The following PPP2R5D variants were observed in gnomAD, a reference collection of about 807,000 sequenced individuals.
PPP2R5D encodes serine/threonine-protein phosphatase 2A 56 kDa regulatory subunit delta isoform.
Under a neutral mutation model 79.1 loss-of-function variants are expected in PPP2R5D, and 12 were observed. That is an observed-to-expected ratio of 0.15 (90% confidence interval 0.10 to 0.25). PPP2R5D has a LOEUF of 0.25. PPP2R5D is among the 10% of genes least tolerant of loss of function. The pLI is 1.00. For synonymous variants in PPP2R5D, 277 were observed against 286.6 expected (o/e 0.97, Z 0.34); for missense variants, 419 against 760.2 (o/e 0.55, Z 5.28).
Position 43,006,470 on chromosome 6 carries a change from C to T in PPP2R5D, c.113C>T (p.Pro38Leu), listed in dbSNP as rs200268619. ...GGGENTEEAQ[P>L]QPQPQPQPQA... is the part of the protein sequence containing the mutation. ...GGTGACTTGTTTGACCAGGCCCAGC[C>T]GCAGCCCCAGCCCCAGCCCCAGCCC... The change falls in exon 3 of 16, where the codon CCG becomes CTG. Residue 38 changes from proline to leucine, a missense_variant. Physicochemically the swap from Pro to Leu is moderately conservative, Grantham distance 98 (BLOSUM62 -3). Transcript: ENST00000485511. The surrounding 1 kb of genome is among the most constrained non-coding windows in gnomAD (Gnocchi z 4.7). The T allele has an allele frequency of 1.2e-5, 20 of 1,613,082 alleles. No individual in the cohort carries two copies. Among genetic ancestry groups the T allele is most frequent in the Middle Eastern group, 3.4e-4 (2 of 5,918 alleles).
In PPP2R5D at chr6:43,008,918, C is replaced by T; in HGVS notation, c.1081-139C>T. The stretch of plus-strand genomic sequence containing the variant: ...CCTATATACACCTAGGAAACAGATC[C>T]AAGGCAAAGAAACGGGTAGCTGGCT... On this transcript the variant is annotated intron_variant, in intron 10 of 15. Transcript: ENST00000485511. This position sits in a 1 kb window ranked among gnomAD's most constrained non-coding sequence, Gnocchi z 4.2. 3 of 1,263,994 alleles carry T rather than the reference C, an allele frequency of 2.4e-6. No homozygotes were observed. The highest frequency in any genetic ancestry group is 3.3e-6 in the Non-Finnish European group (3 of 901,854). 78.3% of individuals were successfully genotyped at this position (1,263,994 alleles called of 1,614,324 possible).
intron 2 of PPP2R5D, among the ~76,000 whole-genome samples, chr6:42,992,897 A>G (rs1472600699): frequency 6.6e-6 from 1 of 152,158 alleles, no homozygotes; most frequent in African/African-American, 2.4e-5. Context: ...GCGGTGGCTC[A>G]CACCTGTAAT....
intron 2 of PPP2R5D, among the ~76,000 whole-genome samples, chr6:43,001,429 G>C (rs1410152550): frequency 6.6e-6 from 1 of 152,146 alleles, no homozygotes; most frequent in African/African-American, 2.4e-5. Context: ...ATGAGCCACT[G>C]TGCCCGGCCA....
At chr6:42,999,626 C>T (rs1561845017) in intron 2 of PPP2R5D, among the ~76,000 whole-genome samples, 1 of 152,118 alleles carries the variant, frequency 6.6e-6, no homozygotes, top group Non-Finnish European at 1.5e-5. Flanking sequence ...ATTGCAGTGG[C>T]ACGATTTCGG....
In PPP2R5D at chr6:43,006,776, GT is replaced by G; in HGVS notation, c.322+99del. The G allele has an allele frequency of 6.3e-7, 1 of 1,575,774 alleles. No homozygotes were observed. The highest frequency in any genetic ancestry group is 1.2e-5 in the South Asian group (1 of 86,114). On this transcript the variant is annotated intron_variant, in intron 3 of 15. Coordinates refer to ENST00000485511, the MANE Select transcript of PPP2R5D (RefSeq NM_006245.4). The surrounding 1 kb of genome is among the most constrained non-coding windows in gnomAD (Gnocchi z 4.7). Reference sequence around the variant, plus strand: ...TTTGGGGTATTTTGCGGGGAAGGGAGTTCCAGAGAATGCGGGAAGGGGGTGC... The same window carrying G: ...TTTGGGGTATTTTGCGGGGAAGGGAGTCCAGAGAATGCGGGAAGGGGGTGC...
At chr6:42,988,696 A>C (rs1771031704) in intron 1 of PPP2R5D, among the ~76,000 whole-genome samples, 1 of 152,160 alleles carries the variant, frequency 6.6e-6, no homozygotes, top group Non-Finnish European at 1.5e-5. Context: ...GGCCCCTCCC[A>C]AGCCTGATGC....
Position 43,007,375 on chromosome 6 carries a change from T to G in PPP2R5D, c.634-39T>G. On this transcript the variant is annotated intron_variant, in intron 5 of 15. Coordinates refer to ENST00000485511, the MANE Select transcript of PPP2R5D (RefSeq NM_006245.4). The surrounding 1 kb of genome is among the most constrained non-coding windows in gnomAD (Gnocchi z 4.5). ...GGGCACTTGGAGGCCTGCAAGTCCT[T>G]GGGAACATCCCCTCAGTGGCGTGCC... The G allele has an allele frequency of 6.2e-7, 1 of 1,604,298 alleles. No homozygotes were observed.
chr6:43,008,093 C>T lies in PPP2R5D; in HGVS notation c.857+28C>T. On this transcript the variant is annotated intron_variant, in intron 7 of 15. Coordinates refer to ENST00000485511, the MANE Select transcript of PPP2R5D (RefSeq NM_006245.4). The surrounding 1 kb of genome is among the most constrained non-coding windows in gnomAD (Gnocchi z 4.2). ...GAGGCCAGGAGCCCAGGCTTAGGAG[C>T]AAAACCTTCTGCTACTGAGGTGGGG... is the stretch of plus-strand genomic sequence containing the variant. 2 of 1,613,880 alleles carry T rather than the reference C, an allele frequency of 1.2e-6. No homozygotes were observed. Among genetic ancestry groups the T allele is most frequent in the South Asian group, 2.2e-5 (2 of 91,082 alleles).
intron 2 of PPP2R5D, among the ~76,000 whole-genome samples, chr6:42,991,542 T>A (rs1771265082): frequency 6.6e-6 from 1 of 152,186 alleles, no homozygotes; most frequent in African/African-American, 2.4e-5. Context: ...AAATAATTCC[T>A]TGTGAATTCA....
intron 2 of PPP2R5D, among the ~76,000 whole-genome samples, chr6:42,994,087 A>C (rs1462049358): frequency 6.6e-6 from 1 of 152,144 alleles, no homozygotes; most frequent in Non-Finnish European, 1.5e-5. Context: ...AGGGCAGACC[A>C]CCTGAGGTCA....
intron 1 of PPP2R5D, among the ~76,000 whole-genome samples, chr6:42,987,624 G>A (rs1029570535): frequency 6.6e-6 from 1 of 152,112 alleles, no homozygotes; most frequent in Non-Finnish European, 1.5e-5. Flanking sequence ...TTTAACCTCT[G>A]TGCTACACAG....
chr6:43,010,399 A>G lies in PPP2R5D; in HGVS notation c.1380-69A>G, dbSNP rs980000820. On this transcript the variant is annotated intron_variant, in intron 12 of 15. Coordinates refer to ENST00000485511, the MANE Select transcript of PPP2R5D (RefSeq NM_006245.4). This position sits in a 1 kb window ranked among gnomAD's most constrained non-coding sequence, Gnocchi z 4.7. ...TTAGCAGAGATACCCCTGTGAGAGA[A>G]CAAATTGGGTTCCTCACGCTAAGGG... 3.1e-6 allele frequency: 4 copies of G among 1,277,254 alleles called. No homozygotes were observed. Among genetic ancestry groups the G allele is most frequent in the Non-Finnish European group, 4.6e-6 (4 of 877,156 alleles). 79.1% of individuals were successfully genotyped at this position (1,277,254 alleles called of 1,614,324 possible). A position where few individuals can be genotyped will look rare whatever the true frequency, so the allele number is the denominator to read the frequency against.
chr6:42,991,178 A>G (rs892777483), intron 2 of PPP2R5D, among the ~76,000 whole-genome samples: 2 of 152,132 alleles, frequency 1.3e-5, no homozygotes, highest in Non-Finnish European at 2.9e-5. Context: ...GTTGGTTCAT[A>G]GTAAATGCTT....
chr6:42,994,261 G>C (rs567529153), intron 2 of PPP2R5D, among the ~76,000 whole-genome samples: 1 of 152,338 alleles, frequency 6.6e-6, no homozygotes, highest in East Asian at 1.9e-4. Flanking sequence ...CTGCACTCCA[G>C]CTTGGGGGAG....
chr6:42,997,285 C>T (rs1581822131), intron 2 of PPP2R5D, among the ~76,000 whole-genome samples: 1 of 151,912 alleles, frequency 6.6e-6, no homozygotes, highest in South Asian at 2.1e-4. Flanking sequence ...CTCCGCCTCC[C>T]GGACTGAAGT....
intron 1 of PPP2R5D, 37 bp from the exon 2 acceptor site, chr6:42,989,574 G>A: frequency 6.5e-7 from 1 of 1,537,444 alleles, no homozygotes; most frequent in East Asian, 2.3e-5. Flanking sequence ...CCCTTCTCCT[G>A]GCATCTGCTA....
At chr6:42,995,716 C>G (rs7752224) in intron 2 of PPP2R5D, among the ~76,000 whole-genome samples, 1 of 148,546 alleles carries the variant, frequency 6.7e-6, no homozygotes, top group East Asian at 2.0e-4. Flanking sequence ...CCACGCCCAA[C>G]TAATTTTTCT....
intron 2 of PPP2R5D, among the ~76,000 whole-genome samples, chr6:43,001,660 G>A (rs1403631899): frequency 1.3e-5 from 2 of 151,910 alleles, no homozygotes; most frequent in Admixed American, 6.6e-5. Context: ...TGAGGCGGGC[G>A]GATCATGAGG....
intron 2 of PPP2R5D, among the ~76,000 whole-genome samples, chr6:42,994,732 C>T (rs965347645): frequency 1.3e-5 from 2 of 151,088 alleles, no homozygotes; most frequent in Middle Eastern, 3.4e-3. Flanking sequence ...GCATGAGAAT[C>T]GTTTGAACCT....
Sources: gnomAD v4.1 joint callset for allele counts (sites outside exome capture counted in the v4.1 genomes callset) on GRCh38, gnomAD v4.1.1 for gene constraint, Gnocchi (gnomAD v3.1) non-coding constraint, MANE v1.5 for transcripts, NCBI Gene and HGNC (gene_info 2026-07-23, HGNC 2026-07-21) for gene names.